SBF2: variants seen among roughly 807,000 people sequenced by gnomAD.
SBF2 encodes SET binding factor 2, also known as myotubularin-related protein 13.
SBF2 carries 112 observed loss-of-function variants against 225.2 expected under a neutral mutation model. The ratio of observed to expected loss-of-function variants is 0.50; its 90% CI spans 0.43 to 0.58. SBF2 has a LOEUF of 0.58. Among genes scored for constraint, SBF2 ranks in the 20% least tolerant of loss-of-function variants. The pLI, the probability that SBF2 is intolerant of heterozygous loss-of-function variation, is 0.00. For missense variants in SBF2, 1,996 were observed against 2,206.2 expected (o/e 0.90, Z 1.91); for synonymous variants, 763 against 773.3 (o/e 0.99, Z 0.22).
At chr11:10,183,221 T>C (rs1484831289) in intron 2 of SBF2, among the ~76,000 whole-genome samples, 1 of 152,150 alleles carries the variant, frequency 6.6e-6, no homozygotes, top group Non-Finnish European at 1.5e-5. Flanking sequence ...GCTCTCCCTT[T>C]CTAGGTGAAA....
chr11:10,111,601 T>A (rs1410369279), intron 2 of SBF2, among the ~76,000 whole-genome samples: 1 of 152,172 alleles, frequency 6.6e-6, no homozygotes, highest in Non-Finnish European at 1.5e-5. Context: ...CTTGGCTGGG[T>A]GCAGTGGCTC....
In SBF2 at chr11:10,272,793, G is replaced by A. The variant is rs531177626; in HGVS notation, c.55+21222C>T. 1.7e-4 allele frequency among the ~76,000 whole-genome samples: 26 copies of A among 150,448 alleles called. 1 individual carries two copies. In the South Asian group the frequency reaches 5.1e-3, roughly 29 times the overall value. On this transcript the variant is annotated intron_variant, in intron 1 of 39. Transcript: ENST00000256190. ...ATAATAATAATAATAATAACATGCC[G>A]GGCGCGGTGGCTCCCGCCTGTAATC...
chr11:10,223,973 C>A lies in SBF2; in HGVS notation c.56-29986G>T, dbSNP rs976295953. On this transcript the variant is annotated intron_variant, in intron 1 of 39. Transcript: ENST00000256190. ...ATGCAGTTTTAATACTGTATCTTTA[C>A]ATTTGTTTACATTTCTCAACTGAAT... Among the ~76,000 whole-genome samples, 3 of 152,068 alleles carry A rather than the reference C, an allele frequency of 2.0e-5. No homozygotes were observed. In the East Asian group the frequency reaches 5.8e-4, roughly 29 times the overall value.
At chr11:9,808,705 C>G (rs1853991524) in intron 31 of SBF2, 196 bp downstream of exon 31, 1 of 505,772 alleles carries the variant, frequency 2.0e-6, no homozygotes, top group African/African-American at 1.9e-5. Context: ...ATGCCCGGAG[C>G]CAGAGCTCCA....
intron 17 of SBF2, among the ~76,000 whole-genome samples, chr11:9,872,174 T>C (rs1043027509): frequency 2.0e-5 from 3 of 152,130 alleles, no homozygotes; most frequent in African/African-American, 4.8e-5. Flanking sequence ...TGCAGGGATA[T>C]AGATGGAGGT....
chr11:10,176,747 A>T lies in SBF2; in HGVS notation c.141+17155T>A, dbSNP rs181030875. 9.1e-4 allele frequency among the ~76,000 whole-genome samples: 138 copies of T among 152,316 alleles called. 1 individual carries two copies. The highest frequency in any genetic ancestry group is 8.8e-5 in the Non-Finnish European group (6 of 68,022). Reference sequence around the variant, plus strand: ...CCAGGACCAGATGGATTCACAGCCGAATTGTACCAGAGGTACAAGAAGGAA... The same window carrying T: ...CCAGGACCAGATGGATTCACAGCCGTATTGTACCAGAGGTACAAGAAGGAA... On this transcript the variant is annotated intron_variant, in intron 2 of 39. Coordinates refer to ENST00000256190, the MANE Select transcript of SBF2 (RefSeq NM_030962.4).
At chr11:9,943,127 A>G (rs905139611) in intron 16 of SBF2, among the ~76,000 whole-genome samples, 1 of 152,234 alleles carries the variant, frequency 6.6e-6, no homozygotes, top group African/African-American at 2.4e-5. Context: ...ATTGCAAATC[A>G]GTGGTGAAAA....
chr11:9,827,791 A>G (rs1855156906), intron 28 of SBF2, among the ~76,000 whole-genome samples: 1 of 152,192 alleles, frequency 6.6e-6, no homozygotes. Flanking sequence ...TTAACTATCT[A>G]TACTTCTGTG....
At chr11:9,890,333 A>T (rs1351302677) in intron 17 of SBF2, among the ~76,000 whole-genome samples, 1 of 152,230 alleles carries the variant, frequency 6.6e-6, no homozygotes, top group Non-Finnish European at 1.5e-5. Flanking sequence ...AAGATGGGTG[A>T]ATTTTATGAT....
chr11:10,058,326 G>A (rs2134743726), intron 2 of SBF2, among the ~76,000 whole-genome samples: 1 of 152,264 alleles, frequency 6.6e-6, no homozygotes, highest in South Asian at 2.1e-4. Context: ...AACCTAACAG[G>A]TCTGATAGAG....
At chr11:10,141,035 A>T (rs1225629657) in intron 2 of SBF2, among the ~76,000 whole-genome samples, 1 of 152,216 alleles carries the variant, frequency 6.6e-6, no homozygotes, top group Admixed American at 6.5e-5. Flanking sequence ...AAGACAGGTA[A>T]ATGAAAATGA....
intron 1 of SBF2, among the ~76,000 whole-genome samples, chr11:10,291,290 C>A (rs1325497963): frequency 6.6e-6 from 1 of 151,910 alleles, no homozygotes; most frequent in East Asian, 1.9e-4. Context: ...TAAAGAGACC[C>A]CAGAGAGCTC....
At chr11:9,900,491 T>G (rs1861636853) in intron 16 of SBF2, among the ~76,000 whole-genome samples, 1 of 152,134 alleles carries the variant, frequency 6.6e-6, no homozygotes, top group Non-Finnish European at 1.5e-5. Context: ...CCAATCGGAA[T>G]TAGTTTAGCC....
At chr11:10,075,984 G>A (rs548694755) in intron 2 of SBF2, among the ~76,000 whole-genome samples, 5 of 151,990 alleles carry the variant, frequency 3.3e-5, no homozygotes, top group African/African-American at 1.2e-4. Context: ...AGCATGTACA[G>A]ATTCACATGG....
At chr11:9,913,422 A>G (rs1355114752) in intron 16 of SBF2, among the ~76,000 whole-genome samples, 3 of 152,194 alleles carry the variant, frequency 2.0e-5, no homozygotes, top group Non-Finnish European at 4.4e-5. Flanking sequence ...ACAAGTGTTG[A>G]TAAGGATGTG....
At chr11:10,138,637 C>T (rs910659984) in intron 2 of SBF2, among the ~76,000 whole-genome samples, 2 of 151,798 alleles carry the variant, frequency 1.3e-5, no homozygotes, top group East Asian at 3.9e-4. Flanking sequence ...TTAGCTGAAT[C>T]TCAGAATTTT....
intron 14 of SBF2, among the ~76,000 whole-genome samples, chr11:9,967,320 C>T (rs1866979213): frequency 1.3e-5 from 2 of 150,158 alleles, no homozygotes; most frequent in South Asian, 2.1e-4. Context: ...TGCAGTGAGC[C>T]GAGATTGCTC....
chr11:9,906,495 C>T (rs1323755928), intron 16 of SBF2, among the ~76,000 whole-genome samples: 1 of 152,180 alleles, frequency 6.6e-6, no homozygotes, highest in Non-Finnish European at 1.5e-5. Flanking sequence ...AAAATGTTTA[C>T]TCATTGTAGT....
intron 3 of SBF2, among the ~76,000 whole-genome samples, chr11:10,037,859 ATAC>A (rs1371416111): frequency 1.3e-5 from 2 of 151,988 alleles, no homozygotes; most frequent in Non-Finnish European, 2.9e-5. Flanking sequence ...CCACTGTTTT[ATAC>A]CATCTAGAGA....
Sources: allele counts gnomAD v4.1 joint callset (sites outside exome capture counted in the v4.1 genomes callset), GRCh38; gene constraint gnomAD v4.1.1; transcripts MANE v1.5; gene names NCBI Gene and HGNC (gene_info 2026-07-23, HGNC 2026-07-21).